Variants in ADCK1 observed in about 807,000 individuals in gnomAD.
The protein encoded by ADCK1 is aarF domain containing kinase 1.
A neutral mutation model predicts 52.3 loss-of-function variants in ADCK1; 41 were observed. That is an observed-to-expected ratio of 0.78 (90% CI 0.61 to 1.02). The LOEUF is 1.02. ADCK1 is among the 50% of genes least tolerant of loss of function. ADCK1 has a pLI of 0.00. For synonymous variants in ADCK1, 250 were observed against 274.6 expected, an observed-to-expected ratio of 0.91 and a Z score of 0.89; for missense variants, 658 against 679.5, an observed-to-expected ratio of 0.97 and a Z score of 0.35.
At chr14:77,898,599 C>A in intron 5 of ADCK1, among the ~76,000 whole-genome samples, 1 of 151,848 alleles carries the variant, frequency 6.6e-6, no homozygotes, top group South Asian at 2.1e-4. Context: ...AATGAGAACA[C>A]ATGGACACAG....
intron 2 of ADCK1, among the ~76,000 whole-genome samples, chr14:77,820,597 G>A (rs978038174): frequency 2.0e-5 from 3 of 151,640 alleles, no homozygotes; most frequent in African/African-American, 7.3e-5. Flanking sequence ...CTCCCAAAGT[G>A]TTGGGATTAT....
chr14:77,912,107 C>T (rs1197092376), intron 7 of ADCK1, among the ~76,000 whole-genome samples: 1 of 152,182 alleles, frequency 6.6e-6, no homozygotes, highest in East Asian at 1.9e-4. Flanking sequence ...ACGTCTTTGT[C>T]ATCAATGTGG....
chr14:77,858,453 G>A (rs1356823831), intron 3 of ADCK1, among the ~76,000 whole-genome samples: 1 of 151,978 alleles, frequency 6.6e-6, no homozygotes, highest in Non-Finnish European at 1.5e-5. Context: ...TCTTGGCCAG[G>A]CTGGTCTTGA....
chr14:77,878,929 C>G (rs958880959), intron 4 of ADCK1, among the ~76,000 whole-genome samples: 1 of 151,964 alleles, frequency 6.6e-6, no homozygotes, highest in African/African-American at 2.4e-5. Context: ...TCCCTTCCCC[C>G]CCCACGAATG....
intron 6 of ADCK1, among the ~76,000 whole-genome samples, chr14:77,904,430 G>A (rs2083612866): frequency 1.3e-5 from 2 of 152,382 alleles, no homozygotes; most frequent in East Asian, 1.9e-4. Flanking sequence ...AAATCTGCCG[G>A]TCTGACTGCA....
intron 3 of ADCK1, among the ~76,000 whole-genome samples, chr14:77,841,609 A>T (rs971833725): frequency 2.1e-5 from 3 of 144,412 alleles, no homozygotes; most frequent in African/African-American, 7.8e-5. Context: ...CGGGTGTGTC[A>T]CTTGAGGTCA....
At position 77,818,964 on chromosome 14, in the gene ADCK1, G is replaced by T; in HGVS notation, c.-11-4G>T. 6.2e-7 allele frequency: 1 copy of T among 1,606,580 alleles called. No individual in the cohort carries two copies. Among genetic ancestry groups the T allele is most frequent in the South Asian group, 1.1e-5 (1 of 89,258 alleles). ...TTCTTTCTCAACTTTCCTTTTTTCT[G>T]CAGGATCTGGCGACATGGCCAGAAA... On this transcript the variant is annotated splice_polypyrimidine_tract_variant and splice_region_variant and intron_variant, in intron 1 of 10. Transcript: ENST00000238561.
chr14:77,842,851 A>G (rs1304438950), intron 3 of ADCK1, among the ~76,000 whole-genome samples: 1 of 149,404 alleles, frequency 6.7e-6, no homozygotes, highest in African/African-American at 2.5e-5. Flanking sequence ...TGCCTGGTCG[A>G]GGGTATTTTT....
chr14:77,912,433 CGTGT>C (rs57555913), intron 7 of ADCK1, among the ~76,000 whole-genome samples: 20,958 of 138,010 alleles, frequency 0.15, 1,652 homozygotes, highest in African/African-American at 0.24. Context: ...TACGGAGGAG[CGTGT>C]GTGTGTGTGT....
chr14:77,900,274 T>C (rs1038493180), intron 6 of ADCK1, among the ~76,000 whole-genome samples: 3 of 151,688 alleles, frequency 2.0e-5, no homozygotes, highest in Non-Finnish European at 2.9e-5. Flanking sequence ...TTTTGTGGGG[T>C]GGTGGGAGGA....
intron 3 of ADCK1, among the ~76,000 whole-genome samples, chr14:77,840,391 A>T (rs1240728051): frequency 2.6e-5 from 4 of 151,218 alleles, no homozygotes; most frequent in Non-Finnish European, 5.9e-5. Flanking sequence ...TCATGGTCCC[A>T]TTCCTCCATC....
chr14:77,915,362 C>G (rs1169440649), intron 7 of ADCK1, among the ~76,000 whole-genome samples: 1 of 147,592 alleles, frequency 6.8e-6, no homozygotes, highest in Non-Finnish European at 1.5e-5. Flanking sequence ...TACAACAGGC[C>G]CCAGAGTGTG....
At chr14:77,807,857 G>C (rs540887483) in intron 1 of ADCK1, among the ~76,000 whole-genome samples, 20 of 151,868 alleles carry the variant, frequency 1.3e-4, no homozygotes, top group Non-Finnish European at 2.4e-4. Context: ...TGGCCAGTCT[G>C]GTCTTGAACT....
intron 7 of ADCK1, among the ~76,000 whole-genome samples, chr14:77,910,765 G>A (rs2083773461): frequency 1.3e-5 from 2 of 152,238 alleles, no homozygotes; most frequent in African/African-American, 2.4e-5. Context: ...GCTGTGCCTG[G>A]CCGGAGGGGG....
chr14:77,803,131 A>G (rs2081147604), intron 1 of ADCK1, among the ~76,000 whole-genome samples: 1 of 152,216 alleles, frequency 6.6e-6, no homozygotes, highest in Admixed American at 6.5e-5. Flanking sequence ...TTCTATCCAT[A>G]TCAGGGACCA....
intron 3 of ADCK1, 149 bp from the exon 4 acceptor site, chr14:77,858,927 G>T (rs2082481291): frequency 3.1e-6 from 2 of 646,990 alleles, no homozygotes; most frequent in East Asian, 2.9e-5. Flanking sequence ...CAAGGGAAAA[G>T]GTGTGTGTGT....
intron 4 of ADCK1, among the ~76,000 whole-genome samples, chr14:77,876,955 C>T (rs1169530574): frequency 1.3e-5 from 2 of 152,278 alleles, no homozygotes; most frequent in African/African-American, 4.8e-5. Flanking sequence ...TGGCTCACGC[C>T]TGTAATCCCA....
intron 3 of ADCK1, among the ~76,000 whole-genome samples, chr14:77,839,122 T>C (rs754824368): frequency 6.6e-6 from 1 of 151,948 alleles, no homozygotes; most frequent in African/African-American, 2.4e-5. Flanking sequence ...CTAAAGGAGA[T>C]AAAATGTAGT....
At chr14:77,879,503 G>A (rs1354535639) in intron 4 of ADCK1, among the ~76,000 whole-genome samples, 1 of 152,172 alleles carries the variant, frequency 6.6e-6, no homozygotes, top group African/African-American at 2.4e-5. Flanking sequence ...TGCATGCAGA[G>A]AGCATGCTGG....
Sources: allele counts gnomAD v4.1 joint callset (sites outside exome capture counted in the v4.1 genomes callset), GRCh38; gene constraint gnomAD v4.1.1; transcripts MANE v1.5; gene names NCBI Gene and HGNC (gene_info 2026-07-23, HGNC 2026-07-21).